Variants in PFKM observed in about 807,000 individuals in gnomAD.
The protein encoded by PFKM is phosphofructokinase, muscle, also known as ATP-dependent 6-phosphofructokinase, muscle type.
A neutral mutation model predicts 95.5 loss-of-function variants in PFKM; 58 were observed. The ratio of observed to expected loss-of-function variants is 0.61; its 90% CI spans 0.49 to 0.76. The LOEUF (loss-of-function observed/expected upper bound fraction) is 0.76, where lower values mean the gene tolerates loss of function less well. Among genes scored for constraint, PFKM ranks in the 30% least tolerant of loss-of-function variants. The pLI is 0.00. For missense variants in PFKM, 678 were observed against 1,005.4 expected, an observed-to-expected ratio of 0.67 and a Z score of 4.40; for synonymous variants, 336 against 357.2, an observed-to-expected ratio of 0.94 and a Z score of 0.67.
chr12:48,142,516 G>GTTTTTTT, intron 17 of PFKM: 4 of 423,100 alleles, frequency 9.5e-6, no homozygotes, highest in East Asian at 4.4e-5. Flanking sequence ...TGTTTTGTTT[G>GTTTTTTT]TTTTTTTTTT....
intron 14 of PFKM, 57 bp downstream of exon 14, chr12:48,140,928 A>T: frequency 6.3e-7 from 1 of 1,580,838 alleles, no homozygotes; most frequent in South Asian, 1.1e-5. Flanking sequence ...GTGTAGCAAG[A>T]ATGACCTGTC....
In PFKM at chr12:48,140,736, A is replaced by G; in HGVS notation, c.1206A>G (p.Thr402=). The change falls in exon 14 of 23, where the codon ACA becomes ACG. Residue 402 remains threonine (T), a synonymous_variant. Coordinates refer to ENST00000359794, the MANE Select transcript of PFKM (RefSeq NM_000289.6). ...RPPVSKSGSH[T]VAVMNVGAPA... ...CTCCTGTATAGAGTGGTTCGCACACAGTGGCTGTGATGAACGTGGGGGCTC... is the reference window on the plus strand; with the variant it reads ...CTCCTGTATAGAGTGGTTCGCACACGGTGGCTGTGATGAACGTGGGGGCTC... 6.2e-7 allele frequency: 1 copy of G among 1,614,126 alleles called. No homozygotes were observed. Among genetic ancestry groups the G allele is most frequent in the Non-Finnish European group, 8.5e-7 (1 of 1,180,016 alleles).
At position 48,141,743 on chromosome 12, in the gene PFKM, T is replaced by C. The variant is rs1950594557; in HGVS notation, c.1416T>C (p.Thr472=). Residue 472 remains threonine, a synonymous_variant, in exon 16 of 23, where the codon ACT becomes ACC. Coordinates refer to ENST00000359794, the MANE Select transcript of PFKM (RefSeq NM_000289.6). The part of the protein sequence containing the change: ...QGGSKLGTKR[T]LPKKSFEQIS... The stretch of plus-strand genomic sequence containing the variant: ...CCCGCCATCACTGATCAACTAGGAC[T>C]CTACCCAAGAAGAGCTTTGAACAGA... 1 of 1,609,556 alleles carries C rather than the reference T, an allele frequency of 6.2e-7. No homozygotes were observed.
intron 4 of PFKM, 70 bp from the exon 5 acceptor site, chr12:48,132,798 C>A: frequency 7.6e-7 from 1 of 1,312,668 alleles, no homozygotes; most frequent in Non-Finnish European, 1.1e-6. Context: ...GCCATCACAG[C>A]ATTGGAATAG....
At chr12:48,130,501 C>G (rs1193899588) in intron 3 of PFKM, 65 bp downstream of exon 3, 5 of 1,210,188 alleles carry the variant, frequency 4.1e-6, no homozygotes, top group Non-Finnish European at 6.2e-6. Flanking sequence ...CCTTCTATCC[C>G]CTTCCCACAT....
intron 2 of PFKM, among the ~76,000 whole-genome samples, chr12:48,128,175 C>A (rs1188394459): frequency 6.6e-6 from 1 of 152,194 alleles, no homozygotes; most frequent in Non-Finnish European, 1.5e-5. Context: ...GGTCCCATGA[C>A]AAATGCTGTC....
At chr12:48,141,551 A>G in intron 15 of PFKM, 170 bp downstream of exon 15, 1 of 762,436 alleles carries the variant, frequency 1.3e-6, no homozygotes, top group Non-Finnish European at 2.3e-6. Flanking sequence ...CATCTTTAGC[A>G]GCTCTGGCAA....
Position 48,130,406 on chromosome 12 carries a change from C to T in PFKM, c.129C>T (p.Phe43=), listed in dbSNP as rs1181855702. ...GGGCTGTGGTTCGAGTTGGTATCTT[C>T]ACCGGTGCCCGTGTCTTCTTTGTCC... ...AVRAVVRVGI[F]TGARVFFVHE... The change falls in exon 3 of 23, where the codon TTC becomes TTT. Residue 43 remains phenylalanine (F), a synonymous_variant. Coordinates refer to ENST00000359794, the MANE Select transcript of PFKM (RefSeq NM_000289.6). The T allele has an allele frequency of 3.1e-6, 5 of 1,613,664 alleles. No homozygotes were observed. In the South Asian group the frequency reaches 4.4e-5, roughly 14 times the overall value.
chr12:48,114,056 A>T (rs1044494025), intron 3 of PFKM, among the ~76,000 whole-genome samples: 2 of 152,100 alleles, frequency 1.3e-5, no homozygotes, highest in African/African-American at 4.8e-5. Flanking sequence ...TCGCCTAGCT[A>T]TATCTGGGGA....
chr12:48,133,329 G>T lies in PFKM; in HGVS notation c.442G>T (p.Glu148Ter). ...CTCATTGTCAGGTAAGATCACAGAT[G>T]AGGAGGCTACGAAGTCCAGCTACCT... ...DLQKAGKITDEEATKSSYLNI... is the reference protein window; with the variant it reads ...DLQKAGKITD The change falls in exon 6 of 23, where the codon GAG becomes TAG. Residue 148 changes from glutamate to a stop codon, truncating the protein, a stop_gained. Coordinates refer to ENST00000359794, the MANE Select transcript of PFKM (RefSeq NM_000289.6). LOFTEE classifies it high-confidence loss of function. The T allele has an allele frequency of 1.2e-6, 2 of 1,614,142 alleles. No individual in the cohort carries two copies. Among genetic ancestry groups the T allele is most frequent in the Non-Finnish European group, 8.5e-7 (1 of 1,179,982 alleles).
intron 12 of PFKM, chr12:48,139,620 A>T: frequency 1.6e-6 from 1 of 623,790 alleles, no homozygotes; most frequent in Non-Finnish European, 2.9e-6. Context: ...GGCAAGGGAC[A>T]GTCTCTTGTG....
At chr12:48,137,644 G>A (rs982683196) in intron 10 of PFKM, 77 bp from the exon 11 acceptor site, 6 of 1,570,494 alleles carry the variant, frequency 3.8e-6, no homozygotes, top group East Asian at 4.5e-5. Flanking sequence ...AAAAGGGCTC[G>A]AGTATCCTGA....
At chr12:48,105,826 C>G, upstream of PFKM, 1 of 596,728 alleles carries the variant, frequency 1.7e-6, no homozygotes, top group Middle Eastern at 4.5e-4. Flanking sequence ...CTAACGGCCA[C>G]CGGCGGCCAC....
chr12:48,132,974 T>A lies in PFKM; in HGVS notation c.344T>A (p.Val115Asp). 4.3e-6 allele frequency: 7 copies of A among 1,614,018 alleles called. No homozygotes were observed. The highest frequency in any genetic ancestry group is 5.9e-6 in the Non-Finnish European group (7 of 1,179,914). The change falls in exon 5 of 23, where the codon GTC becomes GAC. Residue 115 changes from valine (V) to aspartate (D), a missense_variant. By Grantham distance (152) the Val-to-Asp change is radical. Transcript: ENST00000359794. ...AAGCGTGGGATCACCAATCTCTGTG[T>A]CATTGGGGGTGATGGCAGCCTCACT... ...LVKRGITNLCVIGGDGSLTGA... is the reference protein window; with the variant it reads ...LVKRGITNLCDIGGDGSLTGA...
In PFKM at chr12:48,142,874, C is replaced by G; in HGVS notation, c.1746C>G (p.Thr582=). 6.2e-7 allele frequency: 1 copy of G among 1,614,158 alleles called. No individual in the cohort carries two copies. Among genetic ancestry groups the G allele is most frequent in the Non-Finnish European group, 8.5e-7 (1 of 1,180,010 alleles). Residue 582 remains threonine (T), a synonymous_variant, in exon 18 of 23, where the codon ACC becomes ACG. Transcript: ENST00000359794. ...TMGGYCGYLA[T]MAGLAAGADA... ...GTGGCTACTGTGGCTACCTGGCTAC[C>G]ATGGCTGGACTGGCAGCTGGGGCCG...
At chr12:48,109,018 AT>A (rs1946953810) in intron 3 of PFKM, among the ~76,000 whole-genome samples, 1 of 152,226 alleles carries the variant, frequency 6.6e-6, no homozygotes, top group African/African-American at 2.4e-5. Flanking sequence ...ATTTAGCCAT[AT>A]TTTTGAGCAC....
rs144766422 is a variant in PFKM at position 48,124,780 on chromosome 12, T to C, written c.85+1921T>C. Among the ~76,000 whole-genome samples the C allele has an allele frequency of 8.3e-3, 1,269 of 152,232 alleles. 16 individuals are homozygous for C. The highest frequency in any genetic ancestry group is 0.028 in the African/African-American group (1,149 of 41,544). ...ACATGTCACTAGGGATTGAGAGTGA[T>C]AGAAACTGAAATTCTATGGAGGCAA... On this transcript the variant is annotated intron_variant, in intron 2 of 22. Transcript: ENST00000359794.
At chr12:48,120,289 A>G (rs973797557) in intron 1 of PFKM, among the ~76,000 whole-genome samples, 8 of 152,220 alleles carry the variant, frequency 5.3e-5, no homozygotes, top group African/African-American at 1.9e-4. Flanking sequence ...AAAGTAGAAT[A>G]TGGAGGTATA....
At chr12:48,137,654 ACT>A in intron 10 of PFKM, 65 bp from the exon 11 acceptor site, 5 of 1,598,710 alleles carry the variant, frequency 3.1e-6, no homozygotes, top group Admixed American at 3.3e-5. Context: ...GAGTATCCTG[ACT>A]CTCTAGGCTG....
Sources: allele counts gnomAD v4.1 joint callset (sites outside exome capture counted in the v4.1 genomes callset), GRCh38; gene constraint gnomAD v4.1.1; transcripts MANE v1.5; gene names NCBI Gene and HGNC (gene_info 2026-07-23, HGNC 2026-07-21).